The following SLC22A3 variants were observed in gnomAD, a reference collection of about 807,000 sequenced individuals.
The protein encoded by SLC22A3 is EMT organic cation transporter 3.
SLC22A3 carries 51 observed loss-of-function variants against 59.1 expected under a neutral mutation model. That is an observed-to-expected ratio of 0.86 (90% CI 0.69 to 1.09). The LOEUF is 1.09. SLC22A3 is among the 50% of genes least tolerant of loss of function. The pLI is 0.00. For synonymous variants in SLC22A3, 325 were observed against 292.0 expected, an observed-to-expected ratio of 1.11 and a Z score of -1.15; for missense variants, 711 against 726.3, an observed-to-expected ratio of 0.98 and a Z score of 0.24.
At chr6:160,409,975 CA>C (rs1304361011) in intron 4 of SLC22A3, among the ~76,000 whole-genome samples, 1 of 152,160 alleles carries the variant, frequency 6.6e-6, no homozygotes, top group Non-Finnish European at 1.5e-5. Flanking sequence ...TTAAGAGCAT[CA>C]AAAAATTACA....
chr6:160,429,805 C>T (rs533127767), intron 5 of SLC22A3, among the ~76,000 whole-genome samples: 1 of 151,670 alleles, frequency 6.6e-6, no homozygotes, highest in Non-Finnish European at 1.5e-5. Flanking sequence ...TTAAATACAT[C>T]TGGTATACTT....
intron 1 of SLC22A3, among the ~76,000 whole-genome samples, chr6:160,357,289 A>G (rs1476641521): frequency 2.0e-5 from 3 of 152,234 alleles, no homozygotes; most frequent in Non-Finnish European, 4.4e-5. Context: ...CTTTCCATTA[A>G]CAGAGACCAC....
chr6:160,432,615 A>G (rs1788193543), intron 5 of SLC22A3, among the ~76,000 whole-genome samples: 1 of 151,972 alleles, frequency 6.6e-6, no homozygotes, highest in African/African-American at 2.4e-5. Flanking sequence ...TTTAGTAGAG[A>G]CGGGGTTTCA....
chr6:160,358,765 T>C (rs1317992920), intron 1 of SLC22A3, among the ~76,000 whole-genome samples: 1 of 152,208 alleles, frequency 6.6e-6, no homozygotes, highest in Admixed American at 6.5e-5. Flanking sequence ...GCCCAAGTCC[T>C]CCCCTTGCCT....
At chr6:160,433,942 T>C (rs1011936322) in intron 5 of SLC22A3, among the ~76,000 whole-genome samples, 3 of 152,176 alleles carry the variant, frequency 2.0e-5, no homozygotes, top group African/African-American at 7.2e-5. Flanking sequence ...ATATTTCTTT[T>C]GAAAAGCAAA....
In SLC22A3 at chr6:160,426,428, A is replaced by G. The variant is rs935533369; in HGVS notation, c.976-10352A>G. ...CTGTGCAACACTCGTCTCATGTCCT[A>G]CTTGATTTTCTTCTCCCTTTCCTCC... On this transcript the variant is annotated intron_variant, in intron 5 of 10. Coordinates refer to ENST00000275300, the MANE Select transcript of SLC22A3 (RefSeq NM_021977.4). The G allele has an allele frequency of 4.0e-5, 36 of 894,412 alleles. 1 individual carries two copies. The African/African-American group carries it at 6.3e-4, about 16-fold the overall frequency. 55.4% of individuals were successfully genotyped at this position (894,412 alleles called of 1,614,324 possible). A position where few individuals can be genotyped will look rare whatever the true frequency, so the allele number is the denominator to read the frequency against.
At chr6:160,401,800 A>G (rs2114841400) in intron 2 of SLC22A3, among the ~76,000 whole-genome samples, 1 of 152,046 alleles carries the variant, frequency 6.6e-6, no homozygotes, top group East Asian at 1.9e-4. Context: ...TTGAAAGTGG[A>G]TTTGAATTAG....
At position 160,355,028 on chromosome 6, in the gene SLC22A3, C is replaced by T. The variant is rs567660342; in HGVS notation, c.429+6180C>T. Among the ~76,000 whole-genome samples, 14 of 152,338 alleles carry T rather than the reference C, an allele frequency of 9.2e-5. No individual in the cohort carries two copies. In the South Asian group the frequency reaches 1.2e-3, roughly 14 times the overall value. ...CTCTTACACGGAAGGATATGCGTTCCTGGAGGCATGCGAGGCAGGCAGGAG... is the reference window on the plus strand; with the variant it reads ...CTCTTACACGGAAGGATATGCGTTCTTGGAGGCATGCGAGGCAGGCAGGAG... On this transcript the variant is annotated intron_variant, in intron 1 of 10. Transcript: ENST00000275300.
At chr6:160,383,928 C>G (rs921491263) in intron 1 of SLC22A3, among the ~76,000 whole-genome samples, 8 of 152,086 alleles carry the variant, frequency 5.3e-5, no homozygotes, top group African/African-American at 1.9e-4. Context: ...TATGCAAATA[C>G]TACATCAGTT....
chr6:160,381,790 T>A (rs1785806869), intron 1 of SLC22A3, among the ~76,000 whole-genome samples: 1 of 152,082 alleles, frequency 6.6e-6, no homozygotes, highest in South Asian at 2.1e-4. Context: ...TGTGTTGGGG[T>A]TGGGATCAAA....
intron 2 of SLC22A3, among the ~76,000 whole-genome samples, chr6:160,402,623 A>G (rs1183759802): frequency 6.6e-6 from 1 of 151,882 alleles, no homozygotes; most frequent in Non-Finnish European, 1.5e-5. Context: ...CACATGCAAT[A>G]TTCAAGATAA....
At chr6:160,376,115 T>C (rs148845204) in intron 1 of SLC22A3, among the ~76,000 whole-genome samples, 1 of 152,030 alleles carries the variant, frequency 6.6e-6, no homozygotes, top group Non-Finnish European at 1.5e-5. Context: ...TGCCCATCAG[T>C]GATAAAGAAA....
intron 1 of SLC22A3, among the ~76,000 whole-genome samples, chr6:160,362,086 G>C (rs1188565795): frequency 1.3e-5 from 2 of 152,194 alleles, no homozygotes; most frequent in African/African-American, 4.8e-5. Flanking sequence ...CCCAGGAGCT[G>C]TTTACCTGGG....
At chr6:160,357,997 G>A (rs1038545079) in intron 1 of SLC22A3, among the ~76,000 whole-genome samples, 1 of 152,080 alleles carries the variant, frequency 6.6e-6, no homozygotes, top group Non-Finnish European at 1.5e-5. Context: ...CATACATAAT[G>A]ATTTTTATTT....
intron 5 of SLC22A3, among the ~76,000 whole-genome samples, chr6:160,424,063 T>A (rs1787858025): frequency 6.6e-6 from 1 of 152,182 alleles, no homozygotes; most frequent in Non-Finnish European, 1.5e-5. Context: ...GTGATGAACA[T>A]GGAGGGTAAG....
chr6:160,426,279 T>C (rs57055851), intron 5 of SLC22A3: 20,030 of 985,364 alleles, frequency 0.02, 295 homozygotes, highest in African/African-American at 0.061. Context: ...GCACTGAAAA[T>C]GGAGGAAATT....
chr6:160,367,823 C>T (rs1047474579), intron 1 of SLC22A3, among the ~76,000 whole-genome samples: 2 of 152,198 alleles, frequency 1.3e-5, no homozygotes, highest in Admixed American at 6.5e-5. Flanking sequence ...CCTCTGTAGT[C>T]GGTGCCAGCC....
intron 1 of SLC22A3, among the ~76,000 whole-genome samples, chr6:160,381,052 T>G (rs1190226758): frequency 6.6e-6 from 1 of 152,098 alleles, no homozygotes; most frequent in Non-Finnish European, 1.5e-5. Flanking sequence ...CAGGACACAA[T>G]GAGAAAGGCC....
In SLC22A3 at chr6:160,451,741, T is replaced by C. The variant is rs987944938; in HGVS notation, c.*685T>C. 1 of 152,300 alleles carries C rather than the reference T, an allele frequency of 6.6e-6. No individual in the cohort carries two copies. Among genetic ancestry groups the C allele is most frequent in the Non-Finnish European group, 1.5e-5 (1 of 68,110 alleles). 9.4% of individuals were successfully genotyped at this position (152,300 alleles called of 1,614,324 possible). ...ATAAGAACCAATCTGCTGTACAATC[T>C]GAGGACTTGGCTCTGTTATTTACAA... On this transcript the variant is annotated 3_prime_UTR_variant, in exon 11 of 11. Coordinates refer to ENST00000275300, the MANE Select transcript of SLC22A3 (RefSeq NM_021977.4).
Sources: allele counts gnomAD v4.1 joint callset (sites outside exome capture counted in the v4.1 genomes callset), GRCh38; gene constraint gnomAD v4.1.1; transcripts MANE v1.5; gene names NCBI Gene and HGNC (gene_info 2026-07-23, HGNC 2026-07-21).